Variants in USH2A observed in about 807,000 individuals in gnomAD.
The protein encoded by USH2A is Usher syndrome 2A (autosomal recessive, mild).
In USH2A, 443 loss-of-function variants were observed where a neutral mutation model predicts 538.9. That is an observed-to-expected ratio of 0.82 (90% CI 0.76 to 0.89). USH2A has a LOEUF of 0.89. Among genes scored for constraint, USH2A ranks in the 40% least tolerant of loss-of-function variants. The probability of loss-of-function intolerance (pLI) is 0.00; values close to 1 mark genes in which losing one functional copy is unlikely to be tolerated. For synonymous variants in USH2A, 2,413 were observed against 2,273.5 expected (o/e 1.06, Z -1.75); for missense variants, 6,633 against 6,324.8 (o/e 1.05, Z -1.65).
intron 30 of USH2A, among the ~76,000 whole-genome samples, chr1:216,054,529 A>G (rs2030907332): frequency 6.6e-6 from 1 of 152,200 alleles, no homozygotes; most frequent in Non-Finnish European, 1.5e-5. Flanking sequence ...AATGCAGACA[A>G]GTATAAATGC....
intron 44 of USH2A, among the ~76,000 whole-genome samples, chr1:215,855,732 A>C (rs1664147055): frequency 6.6e-6 from 1 of 152,232 alleles, no homozygotes; most frequent in Non-Finnish European, 1.5e-5. Flanking sequence ...AGCCAAAGCA[A>C]GACTATGCTA....
At chr1:215,645,699 T>G (rs1656820389) in intron 67 of USH2A, among the ~76,000 whole-genome samples, 1 of 152,228 alleles carries the variant, frequency 6.6e-6, no homozygotes, top group South Asian at 2.1e-4. Context: ...CTTTTAAAAT[T>G]GGCATCATAT....
rs887744485 is a variant in USH2A, at chr1:215,985,220, A to G, written c.6805+7800T>C. On this transcript the variant is annotated intron_variant, in intron 35 of 71. Transcript: ENST00000307340. ...TTAAAATAAAAAGTAAGAAAATCAA[A>G]TGAAATATCAAACAGTTATCTCTCC... is the stretch of plus-strand genomic sequence containing the variant. Among the ~76,000 whole-genome samples, 3 of 152,246 alleles carry G rather than the reference A, an allele frequency of 2.0e-5. No individual in the cohort carries two copies. In the East Asian group the frequency reaches 5.8e-4, roughly 29 times the overall value.
At chr1:216,047,034 T>C (rs1039045361) in intron 31 of USH2A, among the ~76,000 whole-genome samples, 3 of 152,176 alleles carry the variant, frequency 2.0e-5, no homozygotes, top group African/African-American at 7.2e-5. Context: ...CATAACCAAA[T>C]TAGTCAATTA....
Position 216,135,917 on chromosome 1 carries a change from C to T in USH2A, c.4628-38704G>A, listed in dbSNP as rs74468283. On this transcript the variant is annotated intron_variant, in intron 21 of 71. Transcript: ENST00000307340. ...GAGTTTCTGTCAAAGCTTCCATTAA[C>T]GGTTAGCTTTAGTATATTCATTAAA... Among the ~76,000 whole-genome samples the T allele has an allele frequency of 2.0e-3, 303 of 152,014 alleles. 2 individuals are homozygous for T. The highest frequency in any genetic ancestry group is 6.8e-3 in the African/African-American group (282 of 41,484).
At chr1:215,802,084 T>A (rs1296351778) in intron 49 of USH2A, among the ~76,000 whole-genome samples, 1 of 151,918 alleles carries the variant, frequency 6.6e-6, no homozygotes, top group Non-Finnish European at 1.5e-5. Flanking sequence ...AAGAATGATA[T>A]TGAACCCTTA....
At chr1:216,178,792 A>C (rs1294229066) in intron 20 of USH2A, among the ~76,000 whole-genome samples, 3 of 152,142 alleles carry the variant, frequency 2.0e-5, no homozygotes, top group African/African-American at 7.2e-5. Context: ...ACTATTGAGC[A>C]CTTGAAATGT....
At chr1:215,679,507 G>A (rs1375716746) in intron 62 of USH2A, among the ~76,000 whole-genome samples, 2 of 152,216 alleles carry the variant, frequency 1.3e-5, no homozygotes, top group Non-Finnish European at 2.9e-5. Context: ...GAACATCAGA[G>A]AGGTAGATGA....
intron 61 of USH2A, among the ~76,000 whole-genome samples, chr1:215,697,815 C>A (rs1191058025): frequency 1.3e-5 from 2 of 152,120 alleles, no homozygotes; most frequent in Admixed American, 6.5e-5. Context: ...TCCACCACAC[C>A]CAGGCTTTTA....
chr1:216,296,271 TG>T, intron 9 of USH2A, among the ~76,000 whole-genome samples: 1 of 152,176 alleles, frequency 6.6e-6, no homozygotes, highest in East Asian at 1.9e-4. Flanking sequence ...TTAAACTCTA[TG>T]GTCAATTAAA....
At chr1:216,091,764 T>A (rs1315967136) in intron 22 of USH2A, among the ~76,000 whole-genome samples, 1 of 152,236 alleles carries the variant, frequency 6.6e-6, no homozygotes, top group East Asian at 1.9e-4. Flanking sequence ...ATGTGCTAGA[T>A]AACTACTTTA....
intron 32 of USH2A, among the ~76,000 whole-genome samples, chr1:216,024,592 A>C (rs924295392): frequency 6.6e-6 from 1 of 152,074 alleles, no homozygotes; most frequent in African/African-American, 2.4e-5. Flanking sequence ...TCTAAAACAT[A>C]TAGTTAAATT....
intron 11 of USH2A, among the ~76,000 whole-genome samples, chr1:216,265,302 A>AT (rs1571637707): frequency 6.6e-6 from 1 of 152,142 alleles, no homozygotes; most frequent in East Asian, 1.9e-4. Context: ...CCACAATATT[A>AT]TCTTTTCCCA....
At chr1:215,730,248 T>C (rs1377809781) in intron 60 of USH2A, among the ~76,000 whole-genome samples, 2 of 152,208 alleles carry the variant, frequency 1.3e-5, no homozygotes, top group East Asian at 3.9e-4. Context: ...GAAAGCAAAG[T>C]TCTGGAGGAA....
chr1:215,950,631 G>A (rs1193583951), intron 37 of USH2A, among the ~76,000 whole-genome samples: 2 of 151,020 alleles, frequency 1.3e-5, no homozygotes, highest in Non-Finnish European at 2.9e-5. Flanking sequence ...TCAGCCTCTC[G>A]AGTAGCTGGG....
intron 21 of USH2A, among the ~76,000 whole-genome samples, chr1:216,143,706 A>T (rs925147021): frequency 3.9e-5 from 6 of 152,206 alleles, no homozygotes; most frequent in Non-Finnish European, 8.8e-5. Flanking sequence ...CTACCAGAAA[A>T]CCAGAAACAT....
At position 216,364,996 on chromosome 1, in the gene USH2A, T is replaced by C. The variant is rs2102708498; in HGVS notation, c.741A>G (p.Thr247=). ...TTTGCACAGTACCAGATGCAAAATCTGTAATTGAACCACTTAGAGTTCTTG... is the reference window on the plus strand; with the variant it reads ...TTTGCACAGTACCAGATGCAAAATCCGTAATTGAACCACTTAGAGTTCTTG... The part of the protein sequence containing the change: ...FNARTLSGSI[T]DFASGTVQIG... The change falls in exon 4 of 72, where the codon ACA becomes ACG. Residue 247 remains threonine (T), a synonymous_variant. Coordinates refer to ENST00000307340, the MANE Select transcript of USH2A (RefSeq NM_206933.4). 2.5e-6 allele frequency: 4 copies of C among 1,613,786 alleles called. No homozygotes were observed. Among genetic ancestry groups the C allele is most frequent in the Non-Finnish European group, 3.4e-6 (4 of 1,179,794 alleles).
chr1:215,630,402 G>GTATA (rs1443177295), intron 70 of USH2A: 16 of 381,722 alleles, frequency 4.2e-5, no homozygotes, highest in African/African-American at 3.3e-4. Flanking sequence ...ACCTGCATAT[G>GTATA]TATATATGTG....
chr1:215,646,925 C>T (rs979501291), intron 67 of USH2A, among the ~76,000 whole-genome samples: 3 of 152,226 alleles, frequency 2.0e-5, no homozygotes, highest in African/African-American at 7.2e-5. Flanking sequence ...AGCACAGTCA[C>T]ATGCCTATGG....
Sources: allele counts gnomAD v4.1 joint callset (sites outside exome capture counted in the v4.1 genomes callset), GRCh38; gene constraint gnomAD v4.1.1; transcripts MANE v1.5; gene names NCBI Gene and HGNC (gene_info 2026-07-23, HGNC 2026-07-21).